Variants in GALNTL6 observed in about 807,000 individuals in gnomAD.
GALNTL6 encodes the protein polypeptide N-acetylgalactosaminyltransferase like 6.
Under a neutral mutation model 73.7 loss-of-function variants are expected in GALNTL6, and 46 were observed. That is an observed-to-expected ratio of 0.62 (90% CI 0.49 to 0.80). The LOEUF (loss-of-function observed/expected upper bound fraction) is 0.80. GALNTL6 is among the 30% of genes least tolerant of loss of function. GALNTL6 has a pLI of 0.00. For synonymous variants in GALNTL6, 259 were observed against 263.7 expected (o/e 0.98, Z 0.17); for missense variants, 604 against 755.0 (o/e 0.80, Z 2.34).
chr4:172,390,197 T>C (rs1276209336), intron 5 of GALNTL6, among the ~76,000 whole-genome samples: 1 of 152,174 alleles, frequency 6.6e-6, no homozygotes, highest in African/African-American at 2.4e-5. Context: ...TTTTAAAAAT[T>C]GACTTATTTT....
intron 5 of GALNTL6, among the ~76,000 whole-genome samples, chr4:172,422,396 G>C (rs1216493611): frequency 6.6e-6 from 1 of 151,878 alleles, no homozygotes; most frequent in Non-Finnish European, 1.5e-5. Flanking sequence ...ATAACAGGTT[G>C]ACCTATTATT....
chr4:172,219,013 A>G (rs577916476), intron 2 of GALNTL6, among the ~76,000 whole-genome samples: 2 of 151,200 alleles, frequency 1.3e-5, no homozygotes, highest in Non-Finnish European at 3.0e-5. Context: ...TAGATTAACA[A>G]ATTGAGACCA....
chr4:172,819,507 AGT>A (rs1372308477), intron 7 of GALNTL6, among the ~76,000 whole-genome samples: 1 of 152,206 alleles, frequency 6.6e-6, no homozygotes, highest in African/African-American at 2.4e-5. Flanking sequence ...TGACTTACCC[AGT>A]GTCACCACTA....
intron 2 of GALNTL6, among the ~76,000 whole-genome samples, chr4:171,893,231 A>G (rs1056931336): frequency 6.6e-6 from 1 of 152,194 alleles, no homozygotes; most frequent in African/African-American, 2.4e-5. Context: ...AGGGGCAGGA[A>G]TTGTTGCTGA....
At chr4:172,525,146 T>A (rs747704601) in intron 5 of GALNTL6, among the ~76,000 whole-genome samples, 1 of 152,258 alleles carries the variant, frequency 6.6e-6, no homozygotes, top group Non-Finnish European at 1.5e-5. Context: ...AGCACACTTA[T>A]AATTGTCAAA....
intron 11 of GALNTL6, 67 bp from the exon 12 acceptor site, chr4:173,021,409 C>A: frequency 6.6e-7 from 1 of 1,513,834 alleles, no homozygotes; most frequent in Admixed American, 1.7e-5. Context: ...ACATACCTTC[C>A]CCCGCCCTTG....
At chr4:172,301,393 T>C (rs1481928977) in intron 3 of GALNTL6, among the ~76,000 whole-genome samples, 3 of 152,234 alleles carry the variant, frequency 2.0e-5, no homozygotes, top group African/African-American at 7.2e-5. Context: ...CCGTCCAGCT[T>C]TGTTCCATTG....
intron 5 of GALNTL6, among the ~76,000 whole-genome samples, chr4:172,650,221 C>T (rs1210446937): frequency 1.3e-5 from 2 of 152,162 alleles, no homozygotes; most frequent in Non-Finnish European, 2.9e-5. Context: ...CCTGCCTTTG[C>T]ACCGCAAGCC....
chr4:172,955,467 A>C (rs1749669322), intron 10 of GALNTL6, among the ~76,000 whole-genome samples: 1 of 152,160 alleles, frequency 6.6e-6, no homozygotes, highest in South Asian at 2.1e-4. Context: ...AAAAGAAAAA[A>C]AAAAGGATAA....
intron 3 of GALNTL6, among the ~76,000 whole-genome samples, chr4:172,252,949 C>G (rs1029396179): frequency 1.3e-5 from 2 of 151,816 alleles, no homozygotes; most frequent in Admixed American, 1.3e-4. Flanking sequence ...GAAAACACAA[C>G]ATTTCCTATG....
chr4:172,377,904 C>G (rs958466757), intron 5 of GALNTL6, among the ~76,000 whole-genome samples: 7 of 152,026 alleles, frequency 4.6e-5, no homozygotes, highest in East Asian at 1.9e-4. Flanking sequence ...CACCAGATCC[C>G]CCCCCCCATG....
chr4:172,101,180 T>A (rs1287759613), intron 2 of GALNTL6, among the ~76,000 whole-genome samples: 4 of 152,048 alleles, frequency 2.6e-5, no homozygotes, highest in Non-Finnish European at 5.9e-5. Flanking sequence ...CCACTTCTAA[T>A]CCCAAGAAAA....
chr4:172,790,609 A>G (rs1739937518), intron 5 of GALNTL6, among the ~76,000 whole-genome samples: 1 of 152,142 alleles, frequency 6.6e-6, no homozygotes, highest in African/African-American at 2.4e-5. Context: ...CCAGCTGACT[A>G]ATAAAAGCAT....
At chr4:171,983,475 T>C (rs1183230981) in intron 2 of GALNTL6, among the ~76,000 whole-genome samples, 2 of 147,154 alleles carry the variant, frequency 1.4e-5, no homozygotes, top group African/African-American at 5.2e-5. Context: ...TTTATTTATT[T>C]ATTTATTTAT....
chr4:172,307,100 T>G (rs895314476), intron 3 of GALNTL6, among the ~76,000 whole-genome samples: 2 of 152,204 alleles, frequency 1.3e-5, no homozygotes, highest in Non-Finnish European at 2.9e-5. Flanking sequence ...GTGTTCCTCT[T>G]TAATCACATG....
intron 5 of GALNTL6, among the ~76,000 whole-genome samples, chr4:172,790,813 A>C (rs1424837866): frequency 6.6e-6 from 1 of 151,352 alleles, no homozygotes; most frequent in Non-Finnish European, 1.5e-5. Flanking sequence ...GAATTGCTTG[A>C]ACTGGGACCT....
chr4:172,024,903 GGAGTTTC>G (rs1741510486), intron 2 of GALNTL6, among the ~76,000 whole-genome samples: 1 of 128,916 alleles, frequency 7.8e-6, no homozygotes, highest in African/African-American at 2.9e-5. Context: ...TAGCGTTGTT[GGAGTTTC>G]TTCCCTTCCT....
At chr4:172,656,792 C>T (rs564411483) in intron 5 of GALNTL6, among the ~76,000 whole-genome samples, 19 of 152,288 alleles carry the variant, frequency 1.2e-4, no homozygotes, top group African/African-American at 4.3e-4. Context: ...ACAGATATTT[C>T]GTCTTTTGAA....
chr4:172,296,453 C>A (rs1739677128), intron 3 of GALNTL6, among the ~76,000 whole-genome samples: 1 of 152,086 alleles, frequency 6.6e-6, no homozygotes, highest in South Asian at 2.1e-4. Context: ...AGTTGGTGTG[C>A]TGCACCCGTT....
Sources: gnomAD v4.1 joint callset for allele counts (sites outside exome capture counted in the v4.1 genomes callset) on GRCh38, gnomAD v4.1.1 for gene constraint, MANE v1.5 for transcripts, NCBI Gene and HGNC (gene_info 2026-07-23, HGNC 2026-07-21) for gene names.